CARF: variants seen among roughly 807,000 people sequenced by gnomAD.
CARF encodes the protein calcium-responsive transcription factor.
CARF carries 57 observed loss-of-function variants against 82.0 expected under a neutral mutation model. The ratio of observed to expected loss-of-function variants is 0.70; its 90% CI spans 0.56 to 0.87. CARF has a LOEUF of 0.87. Among genes scored for constraint, CARF ranks in the 40% least tolerant of loss-of-function variants. The pLI, the probability that CARF is intolerant of heterozygous loss-of-function variation, is 0.00. For missense variants in CARF, 771 were observed against 855.8 expected (o/e 0.90, Z 1.24); for synonymous variants, 268 against 290.1 (o/e 0.92, Z 0.77).
chr2:202,974,435 A>G lies in CARF; in HGVS notation c.1433A>G (p.Glu478Gly). 1 of 1,608,584 alleles carries G rather than the reference A, an allele frequency of 6.2e-7. No homozygotes were observed. Among genetic ancestry groups the G allele is most frequent in the Middle Eastern group, 1.7e-4 (1 of 6,050 alleles). ...TVNDIKNHIH[E>G]VQKSLRNGDT... ...AATGATATAAAAAATCACATCCATG[A>G]GGTACAGAAATCCTTGAGAAATGGA... The change falls in exon 13 of 17, where the codon GAG becomes GGG. Residue 478 changes from glutamate (E) to glycine (G), a missense_variant. Transcript: ENST00000438828.
chr2:202,981,925 A>G, intron 15 of CARF, 147 bp from the exon 16 acceptor site: 1 of 1,010,620 alleles, frequency 9.9e-7, no homozygotes, highest in African/African-American at 1.6e-5. Context: ...TTTTCCCTTG[A>G]TTCTTGTTTC....
chr2:202,931,429 A>G (rs878979858), intron 3 of CARF, among the ~76,000 whole-genome samples: 10 of 152,358 alleles, frequency 6.6e-5, no homozygotes, highest in Admixed American at 2.0e-4. Flanking sequence ...TGGGCAGTCA[A>G]AAGTTATACA....
chr2:202,967,221 AC>A lies in CARF; in HGVS notation c.953+126del, dbSNP rs1197601367. On this transcript the variant is annotated intron_variant, in intron 10 of 16. Coordinates refer to ENST00000438828, the MANE Select transcript of CARF (RefSeq NM_024744.17). ...TACAGTGAATTCTAAGTTTTCTCTTACCCACATTTGTTCTGTCTTTAAAGCA... is the reference window on the plus strand; with the variant it reads ...TACAGTGAATTCTAAGTTTTCTCTTACCACATTTGTTCTGTCTTTAAAGCA... The A allele has an allele frequency of 8.2e-6, 9 of 1,095,326 alleles. 1 individual carries two copies. The Admixed American group carries it at 8.6e-5, about 10-fold the overall frequency. 67.9% of individuals were successfully genotyped at this position (1,095,326 alleles called of 1,614,324 possible).
chr2:202,956,230 A>G (rs1347463453), intron 8 of CARF, among the ~76,000 whole-genome samples: 2 of 151,816 alleles, frequency 1.3e-5, no homozygotes, highest in Non-Finnish European at 2.9e-5. Flanking sequence ...CCGTATCACC[A>G]GTTTATTTAT....
chr2:202,953,163 G>A lies in CARF; in HGVS notation c.427+484G>A, dbSNP rs973024348. On this transcript the variant is annotated intron_variant, in intron 6 of 16. Coordinates refer to ENST00000438828, the MANE Select transcript of CARF (RefSeq NM_024744.17). ...GCCTCCTGAGTAGCAGGGATTACAG[G>A]CGCCTGCAACCATGCCTAATTTTTA... 8.6e-5 allele frequency among the ~76,000 whole-genome samples: 13 copies of A among 151,974 alleles called. 1 individual carries two copies. The highest frequency in any genetic ancestry group is 8.5e-4 in the Admixed American group (13 of 15,234).
At chr2:202,964,036 T>A (rs2059435260) in intron 9 of CARF, among the ~76,000 whole-genome samples, 1 of 152,074 alleles carries the variant, frequency 6.6e-6, no homozygotes, top group African/African-American at 2.4e-5. Context: ...CAATTCTTTA[T>A]TAGATAGATA....
chr2:202,986,887 T>TACACATATATATATAC lies in CARF; in HGVS notation c.*3264_*3265insCACATATATATATACA. On this transcript the variant is annotated 3_prime_UTR_variant, in exon 17 of 17. Coordinates refer to ENST00000438828, the MANE Select transcript of CARF (RefSeq NM_024744.17). The stretch of plus-strand genomic sequence containing the variant: ...CTGTGCGTATATATATATATATATA[T>TACACATATATATATAC]ATATATATATATATATATATAGCAA... The TACACATATATATATAC allele has an allele frequency of 1.1e-5, 1 of 89,556 alleles. No individual in the cohort carries two copies. The highest frequency in any genetic ancestry group is 2.6e-5 in the Non-Finnish European group (1 of 38,596). The allele number at this position is 89,556 out of a possible 1,614,324, so 5.5% of individuals were successfully genotyped here.
In CARF at chr2:202,924,367, A is replaced by T. The variant is rs1464371239; in HGVS notation, c.-92A>T. The T allele has an allele frequency of 6.6e-6, 1 of 152,146 alleles. No individual in the cohort carries two copies. Among genetic ancestry groups the T allele is most frequent in the Non-Finnish European group, 1.5e-5 (1 of 68,026 alleles). The allele number at this position is 152,146 out of a possible 1,614,324, so 9.4% of individuals were successfully genotyped here. A position where few individuals can be genotyped will look rare whatever the true frequency, so the allele number is the denominator to read the frequency against. The stretch of plus-strand genomic sequence containing the variant: ...TGTGTTTTCTTCTAGAAGTTTTATC[A>T]TTTGATAGTCTGTGATCCATTTCAA... On this transcript the variant is annotated 5_prime_UTR_variant, in exon 3 of 17. Transcript: ENST00000438828.
At chr2:202,931,134 C>T (rs1272940862) in intron 3 of CARF, among the ~76,000 whole-genome samples, 6 of 151,738 alleles carry the variant, frequency 4.0e-5, no homozygotes, top group East Asian at 1.9e-4. Flanking sequence ...CCACCAAGCC[C>T]GGCTAATTTC....
chr2:202,959,327 CTT>C (rs1393462458), intron 8 of CARF, among the ~76,000 whole-genome samples: 5 of 152,248 alleles, frequency 3.3e-5, no homozygotes, highest in African/African-American at 1.2e-4. Context: ...CAGATTATCT[CTT>C]AACTATTATA....
At chr2:202,955,306 A>G (rs2058985150) in intron 7 of CARF, among the ~76,000 whole-genome samples, 1 of 152,216 alleles carries the variant, frequency 6.6e-6, no homozygotes, top group South Asian at 2.1e-4. Flanking sequence ...ATCTTAGCCA[A>G]AAGTCCAAGA....
intron 3 of CARF, among the ~76,000 whole-genome samples, chr2:202,930,968 C>CTTTTTTTTT (rs1007407230): frequency 5.8e-5 from 6 of 103,216 alleles, no homozygotes; most frequent in South Asian, 3.3e-4. Context: ...TTTTTCTTTT[C>CTTTTTTTTT]TTTTTTTTTT....
intron 1 of CARF, among the ~76,000 whole-genome samples, chr2:202,916,419 G>T (rs557177152): frequency 4.8e-4 from 73 of 152,120 alleles, no homozygotes; most frequent in African/African-American, 1.5e-3. Flanking sequence ...TTAACTTCGT[G>T]ATCTGCCCAC....
At chr2:202,956,905 C>G (rs1190456961) in intron 8 of CARF, among the ~76,000 whole-genome samples, 1 of 152,176 alleles carries the variant, frequency 6.6e-6, no homozygotes, top group Non-Finnish European at 1.5e-5. Flanking sequence ...TCTGCTGCCT[C>G]AGCCTCTTGA....
rs1559298372 is a variant in CARF at position 202,986,867 on chromosome 2, C to CATATAT, written c.*3243_*3244insATATAT. 1.5e-3 allele frequency: 83 copies of CATATAT among 56,696 alleles called. 5 individuals are homozygous for CATATAT. The highest frequency in any genetic ancestry group is 2.0e-3 in the East Asian group (5 of 2,462). 3.5% of individuals were successfully genotyped at this position (56,696 alleles called of 1,614,324 possible). ...AAAAGAGGTTTAAAAAATGTCTGTG[C>CATATAT]GTATATATATATATATATATATATA... On this transcript the variant is annotated 3_prime_UTR_variant, in exon 17 of 17. Transcript: ENST00000438828.
intron 5 of CARF, among the ~76,000 whole-genome samples, chr2:202,948,004 T>C (rs2058578645): frequency 1.3e-5 from 2 of 152,204 alleles, no homozygotes; most frequent in South Asian, 4.1e-4. Flanking sequence ...TTTAAATCTT[T>C]AGTCTATCTT....
intron 8 of CARF, among the ~76,000 whole-genome samples, chr2:202,957,679 G>T (rs933775744): frequency 6.6e-5 from 10 of 152,062 alleles, no homozygotes; most frequent in Admixed American, 5.2e-4. Context: ...CTTAGGCCGG[G>T]TGCGGTGGCT....
intron 3 of CARF, chr2:202,925,980 ACT>A (rs1406976782): frequency 6.4e-6 from 1 of 156,718 alleles, no homozygotes; most frequent in Non-Finnish European, 1.4e-5. Flanking sequence ...TCCAGCTTAG[ACT>A]CTGGCAGGGG....
At chr2:202,972,988 G>C (rs1484028880) in intron 12 of CARF, among the ~76,000 whole-genome samples, 1 of 152,006 alleles carries the variant, frequency 6.6e-6, no homozygotes, top group African/African-American at 2.4e-5. Flanking sequence ...TGTTGCCCAG[G>C]CTGGTCTTGA....
Sources: gnomAD v4.1 joint callset for allele counts (sites outside exome capture counted in the v4.1 genomes callset) on GRCh38, gnomAD v4.1.1 for gene constraint, MANE v1.5 for transcripts, NCBI Gene and HGNC (gene_info 2026-07-23, HGNC 2026-07-21) for gene names.